Variants in CHRNA4 observed in about 807,000 individuals in gnomAD.
The protein encoded by CHRNA4 is cholinergic receptor nicotinic alpha 4 subunit, also known as neuronal acetylcholine receptor subunit alpha-4.
Under a neutral mutation model 48.9 loss-of-function variants are expected in CHRNA4, and 28 were observed. The observed-to-expected ratio is 0.57, with a 90% CI of 0.42 to 0.79. The LOEUF is 0.79. Ranked by LOEUF, CHRNA4 falls within the 30% of genes least tolerant of loss-of-function variation. The probability of loss-of-function intolerance (pLI) is 0.00; values close to 1 mark genes in which losing one functional copy is unlikely to be tolerated. For missense variants in CHRNA4, 859 were observed against 898.4 expected (o/e 0.96, Z 0.56); for synonymous variants, 425 against 402.3 (o/e 1.06, Z -0.68).
At position 63,343,449 on chromosome 20, in the gene CHRNA4, TAGAA is replaced by T. The variant is rs1331117515; in HGVS notation, c.*3285_*3288del. Reference sequence around the variant, plus strand: ...GCAAGGTGAAAGGACTCAGCCACTTTAGAAATCCGAAGCCGCCTCTGCTCCAGGG... The same window carrying T: ...GCAAGGTGAAAGGACTCAGCCACTTTATCCGAAGCCGCCTCTGCTCCAGGG... On this transcript the variant is annotated 3_prime_UTR_variant, in exon 6 of 6. Coordinates refer to ENST00000370263, the MANE Select transcript of CHRNA4 (RefSeq NM_000744.7). 2.2e-6 allele frequency: 1 copy of T among 454,002 alleles called. No homozygotes were observed. The highest frequency in any genetic ancestry group is 4.4e-6 in the Non-Finnish European group (1 of 226,806). The allele number at this position is 454,002 out of a possible 1,614,324, so 28.1% of individuals were successfully genotyped here.
Position 63,359,577 on chromosome 20 carries a change from C to A in CHRNA4, c.199G>T (p.Gly67Cys). Residue 67 changes from glycine to cysteine, a missense_variant, in exon 2 of 6, where the codon GGC (glycine) becomes TGC (cysteine). By Grantham distance (159) the Gly-to-Cys change is radical. Around this residue, in one of 3 missense-constraint regions of CHRNA4, gnomAD observed 342 missense variants for 365.3 expected, o/e 0.94. Coordinates refer to ENST00000370263, the MANE Select transcript of CHRNA4 (RefSeq NM_000744.7). ...TCAATGAGCTGAGCGATGGACAGGC[C>A]GAAGCGGACGAGGACCACGTCCGAG... ...NISDVVLVRF[G>C]LSIAQLIDVD... 1 of 1,612,710 alleles carries A rather than the reference C, an allele frequency of 6.2e-7. No homozygotes were observed. Among genetic ancestry groups the A allele is most frequent in the Non-Finnish European group, 8.5e-7 (1 of 1,179,928 alleles).
In CHRNA4 at chr20:63,344,556, G is replaced by T; in HGVS notation, c.*2182C>A. On this transcript the variant is annotated 3_prime_UTR_variant, in exon 6 of 6. Coordinates refer to ENST00000370263, the MANE Select transcript of CHRNA4 (RefSeq NM_000744.7). This position sits in a 1 kb window ranked among gnomAD's most constrained non-coding sequence, Gnocchi z 4.5. Reference sequence around the variant, plus strand: ...GCAAGCGGCCACCCCCGGCAGGAGGGTCCCCCGGCAGGAGCGTCCCAGCCA... The same window carrying T: ...GCAAGCGGCCACCCCCGGCAGGAGGTTCCCCCGGCAGGAGCGTCCCAGCCA... 1 of 453,014 alleles carries T rather than the reference G, an allele frequency of 2.2e-6. No homozygotes were observed. The highest frequency in any genetic ancestry group is 4.4e-6 in the Non-Finnish European group (1 of 226,514). The allele number at this position is 453,014 out of a possible 1,614,324, so 28.1% of individuals were successfully genotyped here.
At position 63,343,230 on chromosome 20, in the gene CHRNA4, G is replaced by A. The variant is rs1031288578; in HGVS notation, c.*3508C>T. On this transcript the variant is annotated 3_prime_UTR_variant, in exon 6 of 6. Transcript: ENST00000370263. Reference sequence around the variant, plus strand: ...TGCAAAGCACGGCACACGTGGTGACGGTGCGTTTTATTCATTGAAGTCTGT... The same window carrying A: ...TGCAAAGCACGGCACACGTGGTGACAGTGCGTTTTATTCATTGAAGTCTGT... 6.7e-5 allele frequency: 26 copies of A among 389,788 alleles called. No homozygotes were observed. Among genetic ancestry groups the A allele is most frequent in the South Asian group, 2.8e-4 (15 of 54,424 alleles). The allele number at this position is 389,788 out of a possible 1,614,324, so 24.1% of individuals were successfully genotyped here. A position where few individuals can be genotyped will look rare whatever the true frequency, so the allele number is the denominator to read the frequency against.
chr20:63,348,689 G>A (rs1342179654), intron 5 of CHRNA4, among the ~76,000 whole-genome samples: 3 of 152,196 alleles, frequency 2.0e-5, no homozygotes, highest in South Asian at 2.1e-4. Flanking sequence ...CCGAATTGCC[G>A]CTGTGGACGT....
chr20:63,344,438 G>C lies in CHRNA4; in HGVS notation c.*2300C>G, dbSNP rs2068453334. 2.2e-6 allele frequency: 1 copy of C among 453,518 alleles called. No homozygotes were observed. Among genetic ancestry groups the C allele is most frequent in the African/African-American group, 2.0e-5 (1 of 49,836 alleles). The allele number at this position is 453,518 out of a possible 1,614,324, so 28.1% of individuals were successfully genotyped here. On this transcript the variant is annotated 3_prime_UTR_variant, in exon 6 of 6. Transcript: ENST00000370263. The surrounding 1 kb of genome is among the most constrained non-coding windows in gnomAD (Gnocchi z 4.5). ...GCAAATACGCCAACATTGTTGTCAAGGTTAATTTGGCGTGGTGGGAATATG... is the reference window on the plus strand; with the variant it reads ...GCAAATACGCCAACATTGTTGTCAACGTTAATTTGGCGTGGTGGGAATATG...
chr20:63,352,499 G>A (rs552351235), intron 4 of CHRNA4, among the ~76,000 whole-genome samples: 4 of 152,266 alleles, frequency 2.6e-5, no homozygotes, highest in South Asian at 4.1e-4. Flanking sequence ...ATCTCAATGC[G>A]GCTCCGGCCC....
chr20:63,358,576 G>C (rs995405959), intron 2 of CHRNA4, among the ~76,000 whole-genome samples: 1 of 152,226 alleles, frequency 6.6e-6, no homozygotes, highest in Admixed American at 6.5e-5. Context: ...CAGGGCTGGA[G>C]CTGGCGGACT....
At chr20:63,353,751 T>TG (rs66520077) in intron 4 of CHRNA4, among the ~76,000 whole-genome samples, 6,066 of 7,592 alleles carry the variant, frequency 0.8, 2,653 homozygotes, top group Middle Eastern at 1. Context: ...GCTGTGGTCC[T>TG]GGGGGGCTGT....
intron 4 of CHRNA4, chr20:63,355,522 CA>C (rs1489199524): frequency 1.5e-6 from 2 of 1,290,956 alleles, no homozygotes; most frequent in South Asian, 2.5e-5. Flanking sequence ...CTGCAGTCCA[CA>C]CTATTCTCCC....
Position 63,347,058 on chromosome 20 carries a change from CG to C in CHRNA4, c.1759-196del, listed in dbSNP as rs983786313. The C allele has an allele frequency of 1.8e-5, 13 of 734,996 alleles. No homozygotes were observed. In the African/African-American group the frequency reaches 2.3e-4, roughly 13 times the overall value. The allele number at this position is 734,996 out of a possible 1,614,324, so 45.5% of individuals were successfully genotyped here. On this transcript the variant is annotated intron_variant, in intron 5 of 5. Coordinates refer to ENST00000370263, the MANE Select transcript of CHRNA4 (RefSeq NM_000744.7). ...GGTGCACGGGACAGCCAGTGCTCTG[CG>C]GGGGGCATCATCACCATGGTATGGG... is the stretch of plus-strand genomic sequence containing the variant.
chr20:63,344,370 C>T lies in CHRNA4; in HGVS notation c.*2368G>A, dbSNP rs1205201784. ...TCTCCACTGAAGAGCATGCATCTCA[C>T]CATATGTAAATTTTACCTTAATTAA... On this transcript the variant is annotated 3_prime_UTR_variant, in exon 6 of 6. Transcript: ENST00000370263. This position sits in a 1 kb window ranked among gnomAD's most constrained non-coding sequence, Gnocchi z 4.5. 4.4e-6 allele frequency: 2 copies of T among 453,996 alleles called. No homozygotes were observed. The highest frequency in any genetic ancestry group is 7.0e-5 in the East Asian group (1 of 14,388). 28.1% of individuals were successfully genotyped at this position (453,996 alleles called of 1,614,324 possible).
At chr20:63,356,324 G>T in intron 3 of CHRNA4, 47 bp downstream of exon 3, 1 of 1,505,414 alleles carries the variant, frequency 6.6e-7, no homozygotes. Flanking sequence ...AGGGTGAGGG[G>T]TGTGGGGGAG....
intron 5 of CHRNA4, among the ~76,000 whole-genome samples, chr20:63,348,699 T>A (rs954365215): frequency 6.6e-6 from 1 of 152,172 alleles, no homozygotes; most frequent in Non-Finnish European, 1.5e-5. Flanking sequence ...GCTGTGGACG[T>A]CATGGGCTGC....
rs1158391765 is a variant in CHRNA4, at chr20:63,361,127, C to T, written c.39G>A (p.Pro13=). Residue 13 remains proline (P), a synonymous_variant, in exon 1 of 6, where the codon CCG becomes CCA. Coordinates refer to ENST00000370263, the MANE Select transcript of CHRNA4 (RefSeq NM_000744.7). ...CGGTCCCCAGAAGCAGCAGCAGCGG[C>T]GGCAGCAGCCGCGGCGCTCCGGGGC... ...LGGPGAPRLL[P]PLLLLLGTGL... is the part of the protein sequence containing the mutation. The T allele has an allele frequency of 3.4e-6, 5 of 1,477,740 alleles. No individual in the cohort carries two copies. The highest frequency in any genetic ancestry group is 1.3e-5 in the South Asian group (1 of 78,084). 91.5% of individuals were successfully genotyped at this position (1,477,740 alleles called of 1,614,324 possible). A position where few individuals can be genotyped will look rare whatever the true frequency, so the allele number is the denominator to read the frequency against.
At chr20:63,348,315 C>T (rs923443802) in intron 5 of CHRNA4, among the ~76,000 whole-genome samples, 49 of 152,358 alleles carry the variant, frequency 3.2e-4, no homozygotes, top group African/African-American at 1.1e-3. Flanking sequence ...AGCTGCCTCT[C>T]GCTTCAAGAG....
chr20:63,345,024 C>A lies in CHRNA4; in HGVS notation c.*1714G>T. On this transcript the variant is annotated 3_prime_UTR_variant, in exon 6 of 6. Transcript: ENST00000370263. This position sits in a 1 kb window ranked among gnomAD's most constrained non-coding sequence, Gnocchi z 5.4. Reference sequence around the variant, plus strand: ...CACAGGCACCCGGGGGTGGGGGTGACCAGCAGCAGTTCAGAGGCAGGTGTG... The same window carrying A: ...CACAGGCACCCGGGGGTGGGGGTGAACAGCAGCAGTTCAGAGGCAGGTGTG... 1 of 447,844 alleles carries A rather than the reference C, an allele frequency of 2.2e-6. No individual in the cohort carries two copies. The highest frequency in any genetic ancestry group is 4.5e-6 in the Non-Finnish European group (1 of 221,768). 27.7% of individuals were successfully genotyped at this position (447,844 alleles called of 1,614,324 possible). A position where few individuals can be genotyped will look rare whatever the true frequency, so the allele number is the denominator to read the frequency against.
At chr20:63,351,349 C>A (rs146970749) in intron 4 of CHRNA4, among the ~76,000 whole-genome samples, 30 of 152,354 alleles carry the variant, frequency 2.0e-4, no homozygotes, top group Middle Eastern at 6.8e-3. Flanking sequence ...CCTACTCGTG[C>A]ACCTCAGTTT....
At chr20:63,353,000 G>A (rs920799733) in intron 4 of CHRNA4, among the ~76,000 whole-genome samples, 86 of 152,348 alleles carry the variant, frequency 5.6e-4, no homozygotes, top group African/African-American at 1.9e-3. Context: ...TGCACCCTGG[G>A]AGCAGACAGG....
chr20:63,344,321 T>C lies in CHRNA4; in HGVS notation c.*2417A>G, dbSNP rs45537732. On this transcript the variant is annotated 3_prime_UTR_variant, in exon 6 of 6. Coordinates refer to ENST00000370263, the MANE Select transcript of CHRNA4 (RefSeq NM_000744.7). The surrounding 1 kb of genome is among the most constrained non-coding windows in gnomAD (Gnocchi z 4.5). The stretch of plus-strand genomic sequence containing the variant: ...GGGGAGGGACGCCGACAGGAAGGGC[T>C]GGAGGGACCTTCTAGGGGCTGGGTC... The C allele has an allele frequency of 2.4e-5, 11 of 453,898 alleles. No homozygotes were observed. The highest frequency in any genetic ancestry group is 3.5e-5 in the Non-Finnish European group (8 of 226,770). 28.1% of individuals were successfully genotyped at this position (453,898 alleles called of 1,614,324 possible).
Sources: allele counts gnomAD v4.1 joint callset (sites outside exome capture counted in the v4.1 genomes callset), GRCh38; gene constraint gnomAD v4.1.1; regional missense constraint gnomAD v4.1.1; non-coding constraint Gnocchi (gnomAD v3.1); transcripts MANE v1.5; gene names NCBI Gene and HGNC (gene_info 2026-07-23, HGNC 2026-07-21).